The following EPS15 variants were observed in gnomAD, a reference collection of about 807,000 sequenced individuals.
The protein encoded by EPS15 is epidermal growth factor receptor pathway substrate 15.
EPS15 carries 72 observed loss-of-function variants against 113.8 expected under a neutral mutation model. That is an observed-to-expected ratio of 0.63 (90% CI 0.52 to 0.77). The LOEUF (loss-of-function observed/expected upper bound fraction) is 0.77. Ranked by LOEUF, EPS15 falls within the 30% of genes least tolerant of loss-of-function variation. EPS15 has a pLI of 0.00. For synonymous variants in EPS15, 344 were observed against 363.4 expected (o/e 0.95, Z 0.61); for missense variants, 1,048 against 1,045.8 (o/e 1.00, Z -0.03).
chr1:51,444,789 T>C lies in EPS15; in HGVS notation c.954+100A>G. 4 of 1,198,394 alleles carry C rather than the reference T, an allele frequency of 3.3e-6. No individual in the cohort carries two copies. The Admixed American group carries it at 8.0e-5, about 24-fold the overall frequency. 74.2% of individuals were successfully genotyped at this position (1,198,394 alleles called of 1,614,324 possible). On this transcript the variant is annotated intron_variant, in intron 11 of 24. Coordinates refer to ENST00000371733, the MANE Select transcript of EPS15 (RefSeq NM_001981.3). ...GTATACTGTTCTGCTCTTAGCCAGA[T>C]ACATTTTCTCTTCTATTTCATCCAA...
At chr1:51,476,138 T>C (rs1482126888) in intron 2 of EPS15, among the ~76,000 whole-genome samples, 1 of 152,194 alleles carries the variant, frequency 6.6e-6, no homozygotes, top group Non-Finnish European at 1.5e-5. Context: ...TTGTTCTTTT[T>C]GCTTAGGATT....
chr1:51,371,695 G>A (rs1264079563), intron 21 of EPS15, among the ~76,000 whole-genome samples: 1 of 152,056 alleles, frequency 6.6e-6, no homozygotes, highest in Admixed American at 6.6e-5. Flanking sequence ...ATTTATTATT[G>A]AAGAAAAATG....
intron 2 of EPS15, among the ~76,000 whole-genome samples, chr1:51,473,232 A>T (rs1280656695): frequency 3.3e-5 from 5 of 152,218 alleles, no homozygotes; most frequent in African/African-American, 4.8e-5. Flanking sequence ...GGGTTGTAAC[A>T]TCAACACATA....
intron 20 of EPS15, among the ~76,000 whole-genome samples, chr1:51,396,511 A>G (rs1218213273): frequency 6.6e-6 from 1 of 152,202 alleles, no homozygotes; most frequent in Non-Finnish European, 1.5e-5. Context: ...CTCAACCTGT[A>G]TTATTACTTC....
chr1:51,357,434 TTTTTA>T (rs1166593848), intron 24 of EPS15, among the ~76,000 whole-genome samples: 2 of 115,874 alleles, frequency 1.7e-5, no homozygotes, highest in African/African-American at 8.5e-5. Context: ...ATATTTTTTT[TTTTTA>T]AATGTGATAT....
Position 51,400,928 on chromosome 1 carries a change from A to G in EPS15, c.1908T>C (p.Phe636=). The change falls in exon 19 of 25, where the codon TTT becomes TTC. Residue 636 remains phenylalanine (F), a synonymous_variant. Coordinates refer to ENST00000371733, the MANE Select transcript of EPS15 (RefSeq NM_001981.3). The part of the protein sequence containing the change: ...VGSDPFKDDP[F]GKIDPFGGDP... ...CAATAAGATACTGACCGATTTTTCC[A>G]AAAGGATCATCCTTGAAAGGATCAC... 6.3e-7 allele frequency: 1 copy of G among 1,586,140 alleles called. No individual in the cohort carries two copies. Among genetic ancestry groups the G allele is most frequent in the Non-Finnish European group, 8.6e-7 (1 of 1,165,134 alleles).
chr1:51,394,481 G>T, intron 20 of EPS15, 34 bp from the exon 21 acceptor site: 3 of 1,410,146 alleles, frequency 2.1e-6, no homozygotes, highest in Non-Finnish European at 2.0e-6. Flanking sequence ...GAATGAGAGA[G>T]GCAACACTTC....
At chr1:51,396,286 G>T (rs1427154177) in intron 20 of EPS15, among the ~76,000 whole-genome samples, 3 of 152,154 alleles carry the variant, frequency 2.0e-5, no homozygotes, top group African/African-American at 7.2e-5. Flanking sequence ...GACATAACAA[G>T]TCACCAAGTA....
chr1:51,412,217 G>A (rs1649790711), intron 13 of EPS15, among the ~76,000 whole-genome samples: 1 of 152,130 alleles, frequency 6.6e-6, no homozygotes, highest in African/African-American at 2.4e-5. Flanking sequence ...GGGAGGTGGG[G>A]GACAAGGGGA....
At chr1:51,478,551 T>G (rs1643958870) in intron 2 of EPS15, among the ~76,000 whole-genome samples, 2 of 151,448 alleles carry the variant, frequency 1.3e-5, no homozygotes, top group Non-Finnish European at 2.9e-5. Flanking sequence ...TTCCTAACCT[T>G]GATGGTCTTT....
intron 2 of EPS15, among the ~76,000 whole-genome samples, chr1:51,478,861 C>T (rs184917339): frequency 1.3e-4 from 20 of 152,264 alleles, no homozygotes; most frequent in Admixed American, 9.2e-4. Flanking sequence ...GTGGGTAACG[C>T]GACCTTTCTC....
intron 20 of EPS15, 139 bp downstream of exon 20, chr1:51,398,893 T>A (rs1648231223): frequency 1.4e-6 from 1 of 726,638 alleles, no homozygotes; most frequent in Non-Finnish European, 2.1e-6. Context: ...ACTAAATGAA[T>A]TGGGATGAGA....
chr1:51,476,305 T>C (rs1033568123), intron 2 of EPS15, among the ~76,000 whole-genome samples: 8 of 152,216 alleles, frequency 5.3e-5, no homozygotes, highest in Non-Finnish European at 1.2e-4. Context: ...TATGGCCATT[T>C]TCATGATATT....
At chr1:51,423,644 C>T (rs2148452364) in intron 12 of EPS15, 1 of 985,148 alleles carries the variant, frequency 1.0e-6, no homozygotes, top group East Asian at 1.1e-4. Flanking sequence ...ATCAGCAGTG[C>T]ACACATTTGT....
At chr1:51,447,859 T>C (rs1185906173) in intron 9 of EPS15, 187 bp downstream of exon 9, 8 of 517,088 alleles carry the variant, frequency 1.5e-5, no homozygotes, top group Non-Finnish European at 2.0e-5. Flanking sequence ...AATTGCTCTA[T>C]CTTTGTCAAA....
At chr1:51,451,282 A>G (rs1000987338) in intron 8 of EPS15, among the ~76,000 whole-genome samples, 2 of 151,818 alleles carry the variant, frequency 1.3e-5, no homozygotes, top group Admixed American at 6.6e-5. Flanking sequence ...TGAGGTCAGG[A>G]GTTCGAAACC....
At chr1:51,385,474 T>A (rs1436549398) in intron 21 of EPS15, among the ~76,000 whole-genome samples, 1 of 152,200 alleles carries the variant, frequency 6.6e-6, no homozygotes, top group African/African-American at 2.4e-5. Context: ...TAAAATGGTA[T>A]GGCTGCTGTG....
intron 2 of EPS15, among the ~76,000 whole-genome samples, chr1:51,478,326 CTTTAT>C (rs915523034): frequency 7.8e-5 from 11 of 141,448 alleles, no homozygotes; most frequent in Non-Finnish European, 1.6e-4. Context: ...TCATCCATCC[CTTTAT>C]TTTGAGCCTA....
chr1:51,510,647 G>A (rs1367004621), intron 1 of EPS15, among the ~76,000 whole-genome samples: 1 of 151,908 alleles, frequency 6.6e-6, no homozygotes, highest in Non-Finnish European at 1.5e-5. Flanking sequence ...CAGTGGAGCC[G>A]GAAGAGGGAG....
Sources: allele counts gnomAD v4.1 joint callset (sites outside exome capture counted in the v4.1 genomes callset), GRCh38; gene constraint gnomAD v4.1.1; transcripts MANE v1.5; gene names NCBI Gene and HGNC (gene_info 2026-07-23, HGNC 2026-07-21).